Variants in DNAAF10 observed in about 807,000 individuals in gnomAD.
DNAAF10 encodes WD repeat domain 92.
In DNAAF10, 28 loss-of-function variants were observed where a neutral mutation model predicts 43.7. That is an observed-to-expected ratio of 0.64 (90% CI 0.48 to 0.88). The LOEUF (loss-of-function observed/expected upper bound fraction) is 0.88, where lower values mean the gene tolerates loss of function less well. Ranked by LOEUF, DNAAF10 falls within the 40% of genes least tolerant of loss-of-function variation. The pLI is 0.00. For missense variants in DNAAF10, 403 were observed against 439.1 expected (o/e 0.92, Z 0.73); for synonymous variants, 156 against 157.3 (o/e 0.99, Z 0.06).
Position 68,141,229 on chromosome 2 carries a change from A to C in DNAAF10, c.517+465T>G, listed in dbSNP as rs1673169910. ...AAACTATTTTCTAGAAAATAAACAT[A>C]CTCCGTATATAGCGTAATGTATGAT... On this transcript the variant is annotated intron_variant, in intron 4 of 7. Coordinates refer to ENST00000295121, the MANE Select transcript of DNAAF10 (RefSeq NM_138458.4). Among the ~76,000 whole-genome samples, 3 of 152,184 alleles carry C rather than the reference A, an allele frequency of 2.0e-5. No individual in the cohort carries two copies. The South Asian group carries it at 6.2e-4, about 32-fold the overall frequency.
chr2:68,143,471 C>G (rs1673240351), intron 3 of DNAAF10, among the ~76,000 whole-genome samples: 1 of 152,118 alleles, frequency 6.6e-6, no homozygotes, highest in Non-Finnish European at 1.5e-5. Context: ...CGTGACTGTA[C>G]CTGGCCCAAT....
At chr2:68,156,797 A>C (rs893768586) in intron 1 of DNAAF10, 3 of 174,878 alleles carry the variant, frequency 1.7e-5, no homozygotes, top group African/African-American at 7.2e-5. Flanking sequence ...TTTCACTCTC[A>C]TTGAACCGTA....
chr2:68,148,346 A>C (rs1425666936), intron 1 of DNAAF10, among the ~76,000 whole-genome samples: 2 of 152,208 alleles, frequency 1.3e-5, no homozygotes, highest in African/African-American at 4.8e-5. Context: ...ACTACATGCA[A>C]GTCACTGAAG....
At chr2:68,144,835 A>T (rs1307502706) in intron 2 of DNAAF10, 120 bp from the exon 3 acceptor site, 4 of 1,308,468 alleles carry the variant, frequency 3.1e-6, no homozygotes, top group Admixed American at 5.7e-5. Context: ...TTTTGCTATG[A>T]AGATAGTTTA....
At chr2:68,145,691 A>G (rs761005467) in intron 2 of DNAAF10, among the ~76,000 whole-genome samples, 6 of 152,172 alleles carry the variant, frequency 3.9e-5, no homozygotes, top group Non-Finnish European at 8.8e-5. Flanking sequence ...AAGTTCGTCT[A>G]ATAGGTCAAT....
chr2:68,139,051 TGTTTA>T (rs1443839332), intron 4 of DNAAF10, among the ~76,000 whole-genome samples, 194 bp from the exon 5 acceptor site: 1 of 152,200 alleles, frequency 6.6e-6, no homozygotes, highest in African/African-American at 2.4e-5. Flanking sequence ...TTTTTTGTTT[TGTTTA>T]AATTTCTGAT....
rs760975749 is a variant in DNAAF10 at position 68,141,720 on chromosome 2, T to G, written c.491A>C (p.Lys164Thr). The change falls in exon 4 of 8, where the codon AAG (lysine) becomes ACG (threonine). Residue 164 changes from lysine to threonine, a missense_variant. Lys to Thr is a moderately conservative substitution (Grantham distance 78). Coordinates refer to ENST00000295121, the MANE Select transcript of DNAAF10 (RefSeq NM_138458.4). ...ANMEPVQGEN[K>T]RDCWTVAFGN... ...AAATGCCACAGTCCAACAGTCTCTC[T>G]TGTTTTCTCCTTGTACAGGTTCCAT... The G allele has an allele frequency of 6.2e-7, 1 of 1,614,120 alleles. No individual in the cohort carries two copies. Among genetic ancestry groups the G allele is most frequent in the Non-Finnish European group, 8.5e-7 (1 of 1,179,972 alleles).
chr2:68,144,110 G>A (rs981457839), intron 3 of DNAAF10, among the ~76,000 whole-genome samples: 2 of 152,178 alleles, frequency 1.3e-5, no homozygotes, highest in Non-Finnish European at 2.9e-5. Context: ...TCACTGCAGG[G>A]TGGAAGAGCT....
chr2:68,138,675 T>C (rs903780179), intron 5 of DNAAF10, 67 bp downstream of exon 5: 22 of 1,211,068 alleles, frequency 1.8e-5, no homozygotes, highest in Non-Finnish European at 2.3e-5. Context: ...TGTTTTCCTT[T>C]TGTAATAGTT....
intron 6 of DNAAF10, among the ~76,000 whole-genome samples, chr2:68,135,486 G>C (rs1673018713): frequency 6.6e-6 from 1 of 152,152 alleles, no homozygotes; most frequent in Non-Finnish European, 1.5e-5. Flanking sequence ...CACCTCAAAA[G>C]CAGCCAGTAA....
intron 1 of DNAAF10, among the ~76,000 whole-genome samples, chr2:68,149,787 G>T (rs1486549238): frequency 6.6e-6 from 1 of 152,032 alleles, no homozygotes; most frequent in Non-Finnish European, 1.5e-5. Context: ...CCTCCCCTTG[G>T]TCTCACACTG....
chr2:68,131,181 G>A lies in DNAAF10; in HGVS notation c.*57C>T. On this transcript the variant is annotated 3_prime_UTR_variant, in exon 8 of 8. Coordinates refer to ENST00000295121, the MANE Select transcript of DNAAF10 (RefSeq NM_138458.4). ...GATCCACCCGCCTCGGCCTCCCAAA[G>A]TGCTGGGATTACAGGAGTGAGCCAC... 1 of 1,576,000 alleles carries A rather than the reference G, an allele frequency of 6.3e-7. No homozygotes were observed. The highest frequency in any genetic ancestry group is 2.2e-5 in the East Asian group (1 of 44,498).
In DNAAF10 at chr2:68,138,963, C is replaced by G. The variant is rs1673111474; in HGVS notation, c.518-106G>C. 7 of 794,530 alleles carry G rather than the reference C, an allele frequency of 8.8e-6. No individual in the cohort carries two copies. The South Asian group carries it at 1.0e-4, about 11-fold the overall frequency. 49.2% of individuals were successfully genotyped at this position (794,530 alleles called of 1,614,324 possible). On this transcript the variant is annotated intron_variant, in intron 4 of 7. Transcript: ENST00000295121. ...ACATAAAACTTATATTAAATCAGAT[C>G]TTAAAAATCACACTGGGTAGTATCC... is the stretch of plus-strand genomic sequence containing the variant.
chr2:68,153,779 G>A (rs1314338921), intron 1 of DNAAF10, among the ~76,000 whole-genome samples: 1 of 119,612 alleles, frequency 8.4e-6, no homozygotes. Context: ...TGGAGACAGA[G>A]TCTTCCTCTG....
intron 1 of DNAAF10, among the ~76,000 whole-genome samples, chr2:68,149,220 T>C (rs1244137115): frequency 1.3e-5 from 2 of 152,230 alleles, no homozygotes; most frequent in Admixed American, 6.5e-5. Context: ...ACTTTTTTTC[T>C]CTGATTCAAA....
chr2:68,140,674 A>G (rs1189769107), intron 4 of DNAAF10, among the ~76,000 whole-genome samples: 1 of 152,182 alleles, frequency 6.6e-6, no homozygotes, highest in Non-Finnish European at 1.5e-5. Flanking sequence ...TGCAAACACC[A>G]TCAAAAACTT....
rs1351767727 is a variant in DNAAF10 at position 68,147,654 on chromosome 2, G to A, written c.184-87C>T. On this transcript the variant is annotated intron_variant, in intron 1 of 7. Transcript: ENST00000295121. ...AATATCATATTTATGGCTCTATTAT[G>A]GCATTTAAATAAGACAATATAAAAG... is the stretch of plus-strand genomic sequence containing the variant. 14 of 929,452 alleles carry A rather than the reference G, an allele frequency of 1.5e-5. No homozygotes were observed. The Admixed American group carries it at 2.7e-4, about 18-fold the overall frequency. The allele number at this position is 929,452 out of a possible 1,614,324, so 57.6% of individuals were successfully genotyped here. A position where few individuals can be genotyped will look rare whatever the true frequency, so the allele number is the denominator to read the frequency against.
At chr2:68,133,629 T>C (rs1397528603) in intron 7 of DNAAF10, among the ~76,000 whole-genome samples, 1 of 152,056 alleles carries the variant, frequency 6.6e-6, no homozygotes, top group Non-Finnish European at 1.5e-5. Flanking sequence ...GGCGGGCACC[T>C]GTAATCCTAG....
chr2:68,149,574 A>G (rs1388088973), intron 1 of DNAAF10, among the ~76,000 whole-genome samples: 2 of 152,210 alleles, frequency 1.3e-5, no homozygotes, highest in African/African-American at 4.8e-5. Flanking sequence ...ACAGAGGATC[A>G]AAATTTTGTC....
Sources: allele counts gnomAD v4.1 joint callset (sites outside exome capture counted in the v4.1 genomes callset), GRCh38; gene constraint gnomAD v4.1.1; transcripts MANE v1.5; gene names NCBI Gene and HGNC (gene_info 2026-07-23, HGNC 2026-07-21).